CFAP57: variants seen among roughly 807,000 people sequenced by gnomAD.
CFAP57 encodes the protein cilia- and flagella-associated protein 57.
In CFAP57, 116 loss-of-function variants were observed where a neutral mutation model predicts 146.8. The ratio of observed to expected loss-of-function variants is 0.79; its 90% CI spans 0.68 to 0.92. CFAP57 has a LOEUF of 0.92. Among genes scored for constraint, CFAP57 ranks in the 40% least tolerant of loss-of-function variants. CFAP57 has a pLI of 0.00. For synonymous variants in CFAP57, 518 were observed against 552.8 expected (o/e 0.94, Z 0.88); for missense variants, 1,377 against 1,527.2 (o/e 0.90, Z 1.64).
chr1:43,225,856 C>T (rs1185052084), intron 17 of CFAP57, among the ~76,000 whole-genome samples: 3 of 152,176 alleles, frequency 2.0e-5, no homozygotes, highest in Admixed American at 6.5e-5. Context: ...TTACTATCAC[C>T]GTGCAACAAA....
At chr1:43,197,032 T>C (rs940430685) in intron 6 of CFAP57, among the ~76,000 whole-genome samples, 1 of 152,182 alleles carries the variant, frequency 6.6e-6, no homozygotes, top group African/African-American at 2.4e-5. Flanking sequence ...AGAAAATATT[T>C]TATTGCCATT....
intron 1 of CFAP57, 118 bp downstream of exon 1, chr1:43,172,571 G>A (rs1461099201): frequency 6.5e-6 from 4 of 611,498 alleles, no homozygotes; most frequent in Admixed American, 5.3e-5. Flanking sequence ...CCGGGGGAGG[G>A]GAAAGGGGAG....
At chr1:43,172,609 C>G in intron 1 of CFAP57, 126 bp from the exon 2 acceptor site, 4 of 768,888 alleles carry the variant, frequency 5.2e-6, no homozygotes, top group Non-Finnish European at 8.2e-6. Context: ...AGGGGAGGGA[C>G]AAGGGGAGGA....
At chr1:43,253,747 G>A (rs1433572095) in intron 22 of CFAP57, among the ~76,000 whole-genome samples, 1 of 152,034 alleles carries the variant, frequency 6.6e-6, no homozygotes, top group East Asian at 1.9e-4. Flanking sequence ...GAGGGGCTGG[G>A]CTGGGGTGGT....
intron 6 of CFAP57, among the ~76,000 whole-genome samples, chr1:43,192,264 G>A (rs549920401): frequency 6.6e-6 from 1 of 152,290 alleles, no homozygotes; most frequent in Non-Finnish European, 1.5e-5. Flanking sequence ...TTGGTTTTTA[G>A]TGTTGTTCAG....
chr1:43,251,555 A>G (rs549313962), intron 22 of CFAP57, among the ~76,000 whole-genome samples: 1 of 152,370 alleles, frequency 6.6e-6, no homozygotes, highest in South Asian at 2.1e-4. Flanking sequence ...ACAACTGTCT[A>G]TGGAACTATT....
At chr1:43,234,695 C>G in intron 21 of CFAP57, 57 bp downstream of exon 21, 1 of 1,511,968 alleles carries the variant, frequency 6.6e-7, no homozygotes, top group Non-Finnish European at 8.9e-7. Flanking sequence ...GATGAGAGAT[C>G]CCATCAAGGG....
At chr1:43,251,579 T>C (rs1646327164) in intron 22 of CFAP57, among the ~76,000 whole-genome samples, 1 of 152,362 alleles carries the variant, frequency 6.6e-6, no homozygotes, top group African/African-American at 2.4e-5. Flanking sequence ...ACAGTTTCAT[T>C]AGCAATATGG....
At chr1:43,194,728 C>T (rs1372640401) in intron 6 of CFAP57, 1 of 152,130 alleles carries the variant, frequency 6.6e-6, no homozygotes, top group African/African-American at 2.4e-5. Flanking sequence ...TTCTTGAGCA[C>T]CTCTAGTGGA....
chr1:43,247,893 A>G (rs974427230), intron 22 of CFAP57, among the ~76,000 whole-genome samples: 2 of 152,142 alleles, frequency 1.3e-5, no homozygotes, highest in African/African-American at 2.4e-5. Context: ...TGGGAGGCCA[A>G]CGTGGGTGGA....
intron 14 of CFAP57, 126 bp downstream of exon 14, chr1:43,221,591 A>G (rs1029734566): frequency 3.6e-6 from 2 of 556,446 alleles, no homozygotes; most frequent in South Asian, 5.3e-5. Flanking sequence ...AACAGGCTAC[A>G]TGTATCCCCT....
intron 9 of CFAP57, among the ~76,000 whole-genome samples, chr1:43,204,777 T>C (rs1406387890): frequency 2.0e-5 from 3 of 152,214 alleles, no homozygotes; most frequent in Non-Finnish European, 2.9e-5. Context: ...GAGTGATGGC[T>C]TTTGCATCAT....
At chr1:43,186,333 C>T (rs1202302918) in intron 5 of CFAP57, among the ~76,000 whole-genome samples, 4 of 152,094 alleles carry the variant, frequency 2.6e-5, no homozygotes, top group East Asian at 1.9e-4. Flanking sequence ...AAGCCTAGGC[C>T]GGGCGCAGTT....
intron 11 of CFAP57, 133 bp from the exon 12 acceptor site, chr1:43,215,122 C>G: frequency 5.1e-6 from 5 of 983,296 alleles, no homozygotes; most frequent in East Asian, 2.6e-5. Context: ...CTCATTCTTA[C>G]CTGGGATCAA....
chr1:43,249,120 T>G (rs1342216414), intron 22 of CFAP57, among the ~76,000 whole-genome samples: 1 of 150,424 alleles, frequency 6.6e-6, no homozygotes, highest in Non-Finnish European at 1.5e-5. Flanking sequence ...GGTCTCGATC[T>G]CCTGACCTTG....
At chr1:43,244,911 A>G (rs1319066430) in intron 22 of CFAP57, among the ~76,000 whole-genome samples, 1 of 152,174 alleles carries the variant, frequency 6.6e-6, no homozygotes, top group Non-Finnish European at 1.5e-5. Context: ...TCAAAAAACA[A>G]AAAACAAAAA....
At chr1:43,184,819 C>T (rs533799225) in intron 4 of CFAP57, 65 of 248,582 alleles carry the variant, frequency 2.6e-4, no homozygotes, top group Non-Finnish European at 2.4e-4. Flanking sequence ...TCTCCAGGAG[C>T]TGTGTTCACA....
chr1:43,234,455 G>A (rs1461218094), intron 20 of CFAP57, 40 bp from the exon 21 acceptor site: 2 of 1,542,778 alleles, frequency 1.3e-6, no homozygotes, highest in South Asian at 1.2e-5. Context: ...GACCTCCGGG[G>A]TCTCCTCTCC....
intron 2 of CFAP57, among the ~76,000 whole-genome samples, chr1:43,181,049 C>T (rs1044934204): frequency 2.6e-5 from 4 of 152,066 alleles, no homozygotes; most frequent in African/African-American, 9.7e-5. Flanking sequence ...ACTTCTCCTC[C>T]CACCTCATCC....
Sources: gnomAD v4.1 joint callset for allele counts (sites outside exome capture counted in the v4.1 genomes callset) on GRCh38, gnomAD v4.1.1 for gene constraint, MANE v1.5 for transcripts, NCBI Gene and HGNC (gene_info 2026-07-23, HGNC 2026-07-21) for gene names.